The following DTNA variants were observed in gnomAD, a reference collection of about 807,000 sequenced individuals.
The protein encoded by DTNA is dystrophin-related protein 3.
DTNA carries 43 observed loss-of-function variants against 100.7 expected under a neutral mutation model. The observed-to-expected ratio is 0.43, with a 90% CI of 0.33 to 0.55. The LOEUF (loss-of-function observed/expected upper bound fraction) is 0.55, where lower values mean the gene tolerates loss of function less well. DTNA is among the 20% of genes least tolerant of loss of function. The pLI is 0.04. For synonymous variants in DTNA, 349 were observed against 347.9 expected (o/e 1.00, Z -0.04); for missense variants, 798 against 953.9 (o/e 0.84, Z 2.15).
At position 34,877,742 on chromosome 18, in the gene DTNA, G is replaced by T. The variant is rs994774496; in HGVS notation, c.1927G>T (p.Asp643Tyr). The change falls in exon 19 of 23, where the codon GAC (aspartate) becomes TAC (tyrosine). Residue 643 changes from aspartate (D) to tyrosine (Y), a missense_variant. Coordinates refer to ENST00000444659, the MANE Select transcript of DTNA (RefSeq NM_001386795.1). ...AQSSRRNLRN[D>Y]LLVAADSITN... ...AGGTTCAAGAAGAAACTTAAGGAAT[G>T]ACTTGCTAGTGGCTGCAGATTCCAT... 5.0e-6 allele frequency: 8 copies of T among 1,613,852 alleles called. No individual in the cohort carries two copies. Among genetic ancestry groups the T allele is most frequent in the South Asian group, 1.1e-5 (1 of 91,032 alleles).
intron 1 of DTNA, among the ~76,000 whole-genome samples, chr18:34,656,455 G>C (rs1236783536): frequency 1.3e-5 from 2 of 152,170 alleles, no homozygotes; most frequent in African/African-American, 4.8e-5. Context: ...TAGGGGAACA[G>C]GGTGCTAAAA....
chr18:34,595,013 G>A (rs1443552286), intron 1 of DTNA, among the ~76,000 whole-genome samples: 2 of 152,244 alleles, frequency 1.3e-5, no homozygotes, highest in African/African-American at 4.8e-5. Flanking sequence ...TTTGTTAAAT[G>A]ATAGTTAACC....
intron 1 of DTNA, among the ~76,000 whole-genome samples, chr18:34,588,957 A>G (rs1239497781): frequency 1.3e-5 from 2 of 151,042 alleles, no homozygotes; most frequent in East Asian, 3.9e-4. Context: ...GCTATCAAAT[A>G]TACGAATTAT....
chr18:34,634,560 T>C (rs2058449564), intron 1 of DTNA, among the ~76,000 whole-genome samples: 1 of 152,206 alleles, frequency 6.6e-6, no homozygotes, highest in African/African-American at 2.4e-5. Flanking sequence ...TATGTTGTTT[T>C]GGTTGAAGTA....
chr18:34,526,236 C>T (rs1335362152), intron 1 of DTNA, among the ~76,000 whole-genome samples: 2 of 152,190 alleles, frequency 1.3e-5, no homozygotes, highest in Non-Finnish European at 2.9e-5. Context: ...AAAGAGGAAT[C>T]GTTGTGATTT....
chr18:34,863,018 T>C (rs1416091365), intron 16 of DTNA, among the ~76,000 whole-genome samples: 1 of 152,224 alleles, frequency 6.6e-6, no homozygotes, highest in Non-Finnish European at 1.5e-5. Flanking sequence ...GTTTAAAGTT[T>C]CCATGCAGTT....
chr18:34,587,252 T>C (rs1188498877), intron 1 of DTNA, among the ~76,000 whole-genome samples: 4 of 152,136 alleles, frequency 2.6e-5, no homozygotes, highest in African/African-American at 9.7e-5. Flanking sequence ...GCATGTTATA[T>C]TGGTTGTTAC....
At chr18:34,690,353 G>T (rs1235696592) in intron 1 of DTNA, among the ~76,000 whole-genome samples, 1 of 152,204 alleles carries the variant, frequency 6.6e-6, no homozygotes, top group East Asian at 1.9e-4. Flanking sequence ...CTCCCTCATG[G>T]CAAGTTCCTC....
intron 1 of DTNA, among the ~76,000 whole-genome samples, chr18:34,508,403 C>A (rs536694554): frequency 6.6e-6 from 1 of 152,000 alleles, no homozygotes; most frequent in Non-Finnish European, 1.5e-5. Flanking sequence ...TGTATGCTGG[C>A]ATTTTTCTCT....
At chr18:34,645,348 G>T (rs965633774) in intron 1 of DTNA, among the ~76,000 whole-genome samples, 1 of 152,062 alleles carries the variant, frequency 6.6e-6, no homozygotes, top group East Asian at 1.9e-4. Context: ...TAAGATTTTT[G>T]TATGGGTTTT....
intron 4 of DTNA, among the ~76,000 whole-genome samples, chr18:34,805,014 T>C (rs1039123083): frequency 6.6e-6 from 1 of 152,220 alleles, no homozygotes; most frequent in African/African-American, 2.4e-5. Context: ...ATTTATTCCA[T>C]GTACTAAAGC....
At chr18:34,877,559 G>T (rs1240339794) in intron 18 of DTNA, among the ~76,000 whole-genome samples, 160 bp from the exon 19 acceptor site, 1 of 152,140 alleles carries the variant, frequency 6.6e-6, no homozygotes, top group East Asian at 1.9e-4. Flanking sequence ...TGTTGTTGTT[G>T]TTGTTCTTGT....
At chr18:34,745,501 A>G (rs1402022799) in intron 1 of DTNA, among the ~76,000 whole-genome samples, 2 of 152,204 alleles carry the variant, frequency 1.3e-5, no homozygotes, top group African/African-American at 2.4e-5. Context: ...GAGTCATGCC[A>G]ATAATGTCCT....
intron 1 of DTNA, among the ~76,000 whole-genome samples, chr18:34,586,922 A>G (rs925338776): frequency 1.3e-5 from 2 of 152,026 alleles, no homozygotes; most frequent in African/African-American, 4.8e-5. Context: ...CAAAGGAAAA[A>G]TACCCCCACC....
At chr18:34,850,645 G>C (rs1367308941) in intron 14 of DTNA, among the ~76,000 whole-genome samples, 2 of 152,184 alleles carry the variant, frequency 1.3e-5, no homozygotes, top group Non-Finnish European at 2.9e-5. Flanking sequence ...TCGGTAGAAA[G>C]ATGAGTTGTG....
chr18:34,703,872 A>G (rs2081746630), intron 1 of DTNA, among the ~76,000 whole-genome samples: 1 of 151,990 alleles, frequency 6.6e-6, no homozygotes, highest in African/African-American at 2.4e-5. Context: ...AATAGTGTGC[A>G]TTTCTTCAGT....
intron 1 of DTNA, among the ~76,000 whole-genome samples, chr18:34,696,577 AAAAAATAAAAAAAT>A (rs1361419095): frequency 2.0e-5 from 3 of 152,132 alleles, no homozygotes; most frequent in Non-Finnish European, 4.4e-5. Flanking sequence ...ACTCCATCTC[AAAAAATAAAAAAAT>A]AAAAATAAGG....
At chr18:34,606,464 A>G (rs374912248) in intron 1 of DTNA, among the ~76,000 whole-genome samples, 12 of 152,186 alleles carry the variant, frequency 7.9e-5, no homozygotes, top group Middle Eastern at 3.2e-3. Context: ...TATCAAAATG[A>G]CACTATCAAT....
rs529070793 is a variant in DTNA at position 34,890,487 on chromosome 18, A to G, written c.*2753A>G. The G allele has an allele frequency of 5.9e-6, 9 of 1,534,592 alleles. No homozygotes were observed. The highest frequency in any genetic ancestry group is 2.0e-5 in the Admixed American group (1 of 50,814). ...CTTGTCCTGTCCATTAGATACAACT[A>G]CATCTTGCGGGGGTTGTTTCTTTCT... On this transcript the variant is annotated 3_prime_UTR_variant, in exon 23 of 23. Coordinates refer to ENST00000444659, the MANE Select transcript of DTNA (RefSeq NM_001386795.1).
Sources: gnomAD v4.1 joint callset for allele counts (sites outside exome capture counted in the v4.1 genomes callset) on GRCh38, gnomAD v4.1.1 for gene constraint, MANE v1.5 for transcripts, NCBI Gene and HGNC (gene_info 2026-07-23, HGNC 2026-07-21) for gene names.